CENPO: variants seen among roughly 807,000 people sequenced by gnomAD.
CENPO encodes the protein centromeric protein O.
A neutral mutation model predicts 36.1 loss-of-function variants in CENPO; 30 were observed. The observed-to-expected ratio is 0.83, with a 90% confidence interval of 0.62 to 1.13. The LOEUF (loss-of-function observed/expected upper bound fraction) is 1.13. Ranked by LOEUF, CENPO falls within the 50% of genes most tolerant of loss-of-function variation. The probability of loss-of-function intolerance (pLI) is 0.00; values close to 1 mark genes in which losing one functional copy is unlikely to be tolerated. For synonymous variants in CENPO, 171 were observed against 142.3 expected, an observed-to-expected ratio of 1.20 and a Z score of -1.44; for missense variants, 349 against 357.8, an observed-to-expected ratio of 0.98 and a Z score of 0.20.
chr2:24,820,237 C>A lies in CENPO; in HGVS notation c.*919C>A, dbSNP rs1667373379. ...TGGGTCCCAAGCAGTACGGGACACT[C>A]CCCAAACCTCCCAGGGCCAAGCCCT... On this transcript the variant is annotated 3_prime_UTR_variant, in exon 8 of 8. Coordinates refer to ENST00000380834, the MANE Select transcript of CENPO (RefSeq NM_001322101.2). 1 of 1,189,808 alleles carries A rather than the reference C, an allele frequency of 8.4e-7. No individual in the cohort carries two copies. Among genetic ancestry groups the A allele is most frequent in the Non-Finnish European group, 1.1e-6 (1 of 893,240 alleles). The allele number at this position is 1,189,808 out of a possible 1,614,324, so 73.7% of individuals were successfully genotyped here. A position where few individuals can be genotyped will look rare whatever the true frequency, so the allele number is the denominator to read the frequency against.
In CENPO at chr2:24,819,977, A is replaced by C; in HGVS notation, c.*659A>C. On this transcript the variant is annotated 3_prime_UTR_variant, in exon 8 of 8. Transcript: ENST00000380834. The stretch of plus-strand genomic sequence containing the variant: ...GGTGGGGCAGTGTGACAGAGGGGCC[A>C]TTGGGGAAGGTGGCTAGCTTATCCC... 1 of 1,613,724 alleles carries C rather than the reference A, an allele frequency of 6.2e-7. No individual in the cohort carries two copies. Among genetic ancestry groups the C allele is most frequent in the South Asian group, 1.1e-5 (1 of 91,048 alleles).
intron 3 of CENPO, among the ~76,000 whole-genome samples, chr2:24,809,455 C>G (rs1011270658): frequency 5.3e-5 from 8 of 152,080 alleles, no homozygotes; most frequent in Non-Finnish European, 1.5e-5. Context: ...CTCTTAAATA[C>G]ATTTAAAGTT....
At chr2:24,796,295 A>G (rs1228485610) in intron 2 of CENPO, among the ~76,000 whole-genome samples, 1 of 152,156 alleles carries the variant, frequency 6.6e-6, no homozygotes, top group Non-Finnish European at 1.5e-5. Flanking sequence ...TAGAGGTTGC[A>G]GTGAGCTGAG....
intron 2 of CENPO, among the ~76,000 whole-genome samples, chr2:24,799,377 T>C (rs1478203809): frequency 1.3e-5 from 2 of 152,130 alleles, no homozygotes; most frequent in African/African-American, 4.8e-5. Context: ...TGCGATAAAC[T>C]GCAGACCTAG....
At position 24,821,587 on chromosome 2, in the gene CENPO, G is replaced by A. The variant is rs775993776; in HGVS notation, c.*2269G>A. On this transcript the variant is annotated 3_prime_UTR_variant, in exon 8 of 8. Coordinates refer to ENST00000380834, the MANE Select transcript of CENPO (RefSeq NM_001322101.2). The stretch of plus-strand genomic sequence containing the variant: ...TGAGCGTATCCTTCATGGCCAGCGC[G>A]AAGTCGGCCAGGTCAGCCAGGTGCT... The A allele has an allele frequency of 6.8e-6, 11 of 1,614,016 alleles. No individual in the cohort carries two copies. Among genetic ancestry groups the A allele is most frequent in the African/African-American group, 1.3e-5 (1 of 74,938 alleles).
At position 24,799,794 on chromosome 2, in the gene CENPO, A is replaced by G. The variant is rs781694499; in HGVS notation, c.166A>G (p.Arg56Gly). The change falls in exon 3 of 8, where the codon AGG becomes GGG. Residue 56 changes from arginine to glycine, a missense_variant. Coordinates refer to ENST00000380834, the MANE Select transcript of CENPO (RefSeq NM_001322101.2). ...TCTTGGAACCAAGATTCATAAACTA[A>G]GGCGTCTGCGAGATGAGCTGAGGGC... is the stretch of plus-strand genomic sequence containing the variant. ...GALGTKIHKL[R>G]RLRDELRAVV... 2.5e-6 allele frequency: 4 copies of G among 1,613,910 alleles called. No homozygotes were observed. The Admixed American group carries it at 6.7e-5, about 27-fold the overall frequency.
chr2:24,796,198 A>G (rs1279036449), intron 2 of CENPO, among the ~76,000 whole-genome samples: 1 of 152,156 alleles, frequency 6.6e-6, no homozygotes. Context: ...TACTAAAAAT[A>G]CAAAAATTAG....
At chr2:24,812,810 T>C (rs1247444922) in intron 3 of CENPO, among the ~76,000 whole-genome samples, 3 of 152,236 alleles carry the variant, frequency 2.0e-5, no homozygotes, top group Middle Eastern at 3.4e-3. Context: ...TGCCCCATTA[T>C]TGAAATAGCT....
chr2:24,794,676 G>C (rs1355517023), intron 2 of CENPO, among the ~76,000 whole-genome samples: 2 of 152,218 alleles, frequency 1.3e-5, no homozygotes, highest in Non-Finnish European at 2.9e-5. Flanking sequence ...TTTGGAAACT[G>C]AGATTTGCGT....
Position 24,820,223 on chromosome 2 carries a change from C to T in CENPO, c.*905C>T. ...CGAGCACTGATCCATGGGTCCCAAG[C>T]AGTACGGGACACTCCCCAAACCTCC... On this transcript the variant is annotated 3_prime_UTR_variant, in exon 8 of 8. Coordinates refer to ENST00000380834, the MANE Select transcript of CENPO (RefSeq NM_001322101.2). The T allele has an allele frequency of 8.3e-7, 1 of 1,198,568 alleles. No homozygotes were observed. Among genetic ancestry groups the T allele is most frequent in the Non-Finnish European group, 1.1e-6 (1 of 890,358 alleles). 74.2% of individuals were successfully genotyped at this position (1,198,568 alleles called of 1,614,324 possible).
At position 24,815,540 on chromosome 2, in the gene CENPO, C is replaced by T. The variant is rs914557567; in HGVS notation, c.378C>T (p.Ile126=). The change falls in exon 5 of 8, where the codon ATC becomes ATT. Residue 126 remains isoleucine, a synonymous_variant. Coordinates refer to ENST00000380834, the MANE Select transcript of CENPO (RefSeq NM_001322101.2). ...KLTSRGVCVC[I]STAFEGNLLD... is the part of the protein sequence containing the mutation. ...CCAGCCGAGGAGTTTGTGTCTGCAT[C>T]AGTACTGCTTTTGAGGGGAACCTAT... 1 of 1,613,758 alleles carries T rather than the reference C, an allele frequency of 6.2e-7. No individual in the cohort carries two copies. Among genetic ancestry groups the T allele is most frequent in the Admixed American group, 1.7e-5 (1 of 60,002 alleles).
At chr2:24,813,984 G>A (rs533666258) in intron 3 of CENPO, among the ~76,000 whole-genome samples, 12 of 152,294 alleles carry the variant, frequency 7.9e-5, no homozygotes, top group Middle Eastern at 3.4e-3. Context: ...AGCTAGCAGC[G>A]TAAGCCTTGG....
At position 24,793,854 on chromosome 2, in the gene CENPO, A is replaced by G. The variant is rs535395301; in HGVS notation, c.-66A>G. The G allele has an allele frequency of 2.5e-6, 4 of 1,612,108 alleles. No individual in the cohort carries two copies. Among genetic ancestry groups the G allele is most frequent in the Middle Eastern group, 1.7e-4 (1 of 6,060 alleles). ...TGTTGCCATTTTTCTTTTATTAGCAAGGACATTGGAGTCCCTATCACCGGT... is the reference window on the plus strand; with the variant it reads ...TGTTGCCATTTTTCTTTTATTAGCAGGGACATTGGAGTCCCTATCACCGGT... On this transcript the variant is annotated splice_region_variant and 5_prime_UTR_variant, in exon 2 of 8. Transcript: ENST00000380834.
At position 24,816,798 on chromosome 2, in the gene CENPO, C is replaced by T. The variant is rs761349420; in HGVS notation, c.747C>T (p.Asp249=). 28 of 1,603,192 alleles carry T rather than the reference C, an allele frequency of 1.7e-5. No homozygotes were observed. Among genetic ancestry groups the T allele is most frequent in the East Asian group, 2.2e-5 (1 of 44,480 alleles). The part of the protein sequence containing the change: ...YKDLTATLPT[D]VTVTCQGVEV... ...ACCTCACAGCAACTCTTCCCACTGA[C>T]GTCACCGTGACATGTCAAGGTAAGA... Residue 249 remains aspartate (D), a synonymous_variant, in exon 6 of 8, where the codon GAC becomes GAT. Coordinates refer to ENST00000380834, the MANE Select transcript of CENPO (RefSeq NM_001322101.2).
At chr2:24,814,839 G>C (rs1666868201) in intron 4 of CENPO, 1 of 214,932 alleles carries the variant, frequency 4.7e-6, no homozygotes. Flanking sequence ...AACTTTCCAA[G>C]TCTCCGTTTC....
intron 3 of CENPO, among the ~76,000 whole-genome samples, chr2:24,802,867 CTT>C: frequency 6.6e-6 from 1 of 152,216 alleles, no homozygotes; most frequent in South Asian, 2.1e-4. Flanking sequence ...AGGATTCCCT[CTT>C]TTTCTATTGA....
intron 3 of CENPO, among the ~76,000 whole-genome samples, chr2:24,800,895 T>C (rs169906): frequency 6.6e-6 from 1 of 152,176 alleles, no homozygotes; most frequent in African/African-American, 2.4e-5. Flanking sequence ...CCCTGAGGAA[T>C]CGCCACACTG....
Position 24,819,731 on chromosome 2 carries a change from A to T in CENPO, c.*413A>T. ...GTTCAGCCCTATGCCTAAGACCCCT[A>T]TGCTGGGGACACTACAGGCACACAC... is the stretch of plus-strand genomic sequence containing the variant. On this transcript the variant is annotated 3_prime_UTR_variant, in exon 8 of 8. Transcript: ENST00000380834. 1.7e-6 allele frequency: 1 copy of T among 593,318 alleles called. No individual in the cohort carries two copies. 36.8% of individuals were successfully genotyped at this position (593,318 alleles called of 1,614,324 possible).
chr2:24,806,000 T>A (rs1335839276), intron 3 of CENPO, among the ~76,000 whole-genome samples: 1 of 152,236 alleles, frequency 6.6e-6, no homozygotes, highest in Non-Finnish European at 1.5e-5. Context: ...CTGCTTTGTT[T>A]ACCTATCCAA....
Sources: allele counts gnomAD v4.1 joint callset (sites outside exome capture counted in the v4.1 genomes callset), GRCh38; gene constraint gnomAD v4.1.1; transcripts MANE v1.5; gene names NCBI Gene and HGNC (gene_info 2026-07-23, HGNC 2026-07-21).